The following VPS13C variants were observed in gnomAD, a reference collection of about 807,000 sequenced individuals.
The protein encoded by VPS13C is intermembrane lipid transfer protein VPS13C.
A neutral mutation model predicts 456.8 loss-of-function variants in VPS13C; 358 were observed. That is an observed-to-expected ratio of 0.78 (90% CI 0.72 to 0.86). The LOEUF (loss-of-function observed/expected upper bound fraction) is 0.86, where lower values mean the gene tolerates loss of function less well. VPS13C is among the 40% of genes least tolerant of loss of function. The pLI, the probability that VPS13C is intolerant of heterozygous loss-of-function variation, is 0.00. For missense variants in VPS13C, 4,818 were observed against 4,385.4 expected (o/e 1.10, Z -2.79); for synonymous variants, 1,578 against 1,486.7 (o/e 1.06, Z -1.41).
chr15:62,037,159 AATCT>A (rs1488133383), intron 3 of VPS13C, among the ~76,000 whole-genome samples: 1 of 130,330 alleles, frequency 7.7e-6, no homozygotes, highest in Non-Finnish European at 1.6e-5. Context: ...CCATAATGTA[AATCT>A]ATTATATTGC....
intron 2 of VPS13C, among the ~76,000 whole-genome samples, chr15:62,042,626 G>A (rs1331876749): frequency 2.0e-5 from 3 of 151,884 alleles, no homozygotes; most frequent in African/African-American, 7.3e-5. Context: ...TATACAAACT[G>A]CAAACTACAA....
At chr15:61,915,196 G>A (rs1409653257) in intron 61 of VPS13C, among the ~76,000 whole-genome samples, 1 of 152,166 alleles carries the variant, frequency 6.6e-6, no homozygotes, top group East Asian at 1.9e-4. Context: ...GCCTGAAGAG[G>A]AAAGAAGAGA....
At chr15:62,051,724 G>C (rs997800110) in intron 1 of VPS13C, among the ~76,000 whole-genome samples, 2 of 152,132 alleles carry the variant, frequency 1.3e-5, no homozygotes, top group Non-Finnish European at 2.9e-5. Context: ...ACTAAAATTA[G>C]TATAACAAGG....
chr15:61,898,157 T>C (rs1196275736), intron 66 of VPS13C, among the ~76,000 whole-genome samples: 2 of 151,196 alleles, frequency 1.3e-5, no homozygotes, highest in African/African-American at 4.9e-5. Context: ...CATGCCAAAA[T>C]GTAAAGACCA....
At chr15:61,955,566 CCTAA>C (rs879433839) in intron 37 of VPS13C, among the ~76,000 whole-genome samples, 2 of 152,154 alleles carry the variant, frequency 1.3e-5, no homozygotes, top group Non-Finnish European at 2.9e-5. Context: ...CGCAAGGTTT[CCTAA>C]CTATCACCTT....
rs755116347 is a variant in VPS13C at position 61,927,193 on chromosome 15, CAG to C, written c.6412_6413del (p.Leu2138ValfsTer60). On this transcript the variant is annotated frameshift_variant, in exon 52 of 85. Coordinates refer to ENST00000644861, the MANE Select transcript of VPS13C (RefSeq NM_020821.3). LOFTEE classifies it high-confidence loss of function. ...TCATCTGTTCGAGTTTGGATGTTGA[CAG>C]AGAAAGGTTGCACTGAAACGAGGCT... ...LTASFQCNLS[L>X]STSKLEQMME... 1 of 1,614,104 alleles carries C rather than the reference CAG, an allele frequency of 6.2e-7. No homozygotes were observed. The highest frequency in any genetic ancestry group is 8.5e-7 in the Non-Finnish European group (1 of 1,180,012).
chr15:61,974,042 A>G (rs2045632120), intron 25 of VPS13C, among the ~76,000 whole-genome samples: 1 of 152,124 alleles, frequency 6.6e-6, no homozygotes, highest in Non-Finnish European at 1.5e-5. Flanking sequence ...GTGATCTAGA[A>G]CTTATAAGCC....
At chr15:61,881,023 G>C (rs968434928) in intron 71 of VPS13C, 69 bp from the exon 72 acceptor site, 1 of 1,292,478 alleles carries the variant, frequency 7.7e-7, no homozygotes, top group African/African-American at 1.5e-5. Context: ...TTAAAACTTT[G>C]ATTTCAGTGA....
intron 50 of VPS13C, among the ~76,000 whole-genome samples, chr15:61,930,431 A>T (rs1005981703): frequency 6.6e-6 from 1 of 152,208 alleles, no homozygotes; most frequent in African/African-American, 2.4e-5. Context: ...AGAAAAACAA[A>T]GGGCTCACAA....
At chr15:61,943,325 A>G (rs1206674944) in intron 45 of VPS13C, among the ~76,000 whole-genome samples, 2 of 152,192 alleles carry the variant, frequency 1.3e-5, no homozygotes, top group African/African-American at 4.8e-5. Context: ...ATCCCAAGCA[A>G]AAAGAACAAA....
Position 61,929,588 on chromosome 15 carries a change from C to G in VPS13C, c.6199G>C (p.Ala2067Pro). The change falls in exon 51 of 85, where the codon GCT (alanine) becomes CCT (proline). Residue 2067 changes from alanine (A) to proline (P), a missense_variant. Coordinates refer to ENST00000644861, the MANE Select transcript of VPS13C (RefSeq NM_020821.3). Reference protein sequence around the residue: ...LMTVADFFIKAVPQSPENVAK... With the variant: ...LMTVADFFIKPVPQSPENVAK... ...ACATTTTCTGGACTCTGAGGCACAG[C>G]TTTGATAAAGAAATCTGCCACAGTC... 6.2e-7 allele frequency: 1 copy of G among 1,614,062 alleles called. No individual in the cohort carries two copies. Among genetic ancestry groups the G allele is most frequent in the Non-Finnish European group, 8.5e-7 (1 of 1,179,982 alleles).
At chr15:61,870,280 C>T (rs1383524885) in intron 79 of VPS13C, among the ~76,000 whole-genome samples, 1 of 152,102 alleles carries the variant, frequency 6.6e-6, no homozygotes, top group Non-Finnish European at 1.5e-5. Context: ...TCCATTCCTC[C>T]CTGCCCCTCC....
chr15:61,925,406 T>C, intron 53 of VPS13C, 50 bp downstream of exon 53: 1 of 1,148,888 alleles, frequency 8.7e-7, no homozygotes, highest in South Asian at 1.8e-5. Context: ...ATATGCAATG[T>C]CGTGAAGAAA....
At chr15:62,012,221 GACACACAC>G (rs67220908) in intron 11 of VPS13C, 57 bp from the exon 12 acceptor site, 5,150 of 506,930 alleles carry the variant, frequency 0.01, no homozygotes, top group East Asian at 0.022. Context: ...TTCAGACTCA[GACACACAC>G]ACACACACAC....
chr15:61,914,099 A>C (rs76697104), intron 61 of VPS13C, among the ~76,000 whole-genome samples: 8 of 152,166 alleles, frequency 5.3e-5, no homozygotes, highest in African/African-American at 1.9e-4. Context: ...TTTGTAAAAA[A>C]CTTGAGGACA....
At position 61,999,519 on chromosome 15, in the gene VPS13C, G is replaced by C. The variant is rs142387356; in HGVS notation, c.1353+1045C>G. Among the ~76,000 whole-genome samples the C allele has an allele frequency of 5.9e-5, 9 of 152,278 alleles. No homozygotes were observed. The East Asian group carries it at 1.7e-3, about 29-fold the overall frequency. ...TAATCTCATTTAAAAGTATGAGTAA[G>C]TACATGGACATCTGTAACTATAAAA... On this transcript the variant is annotated intron_variant, in intron 16 of 84. Coordinates refer to ENST00000644861, the MANE Select transcript of VPS13C (RefSeq NM_020821.3).
Position 61,927,184 on chromosome 15 carries a change from G to C in VPS13C, c.6423C>G (p.Ser2141=), listed in dbSNP as rs1227205056. The C allele has an allele frequency of 1.2e-5, 19 of 1,614,038 alleles. No homozygotes were observed. The highest frequency in any genetic ancestry group is 1.5e-5 in the Non-Finnish European group (18 of 1,180,038). The change falls in exon 52 of 85, where the codon TCC becomes TCG. Residue 2141 remains serine (S), a synonymous_variant. Transcript: ENST00000644861. The part of the protein sequence containing the change: ...SFQCNLSLST[S]KLEQMMEASV... The stretch of plus-strand genomic sequence containing the variant: ...AAGCTTCCATCATCTGTTCGAGTTT[G>C]GATGTTGACAGAGAAAGGTTGCACT...
chr15:62,000,751 A>G (rs1278639283), intron 15 of VPS13C, 125 bp from the exon 16 acceptor site: 44 of 656,730 alleles, frequency 6.7e-5, no homozygotes, highest in Non-Finnish European at 1.0e-4. Flanking sequence ...AAGTATTAGT[A>G]TAAATTTGAA....
At chr15:61,956,018 A>G (rs923034376) in intron 37 of VPS13C, among the ~76,000 whole-genome samples, 1 of 152,160 alleles carries the variant, frequency 6.6e-6, no homozygotes, top group Non-Finnish European at 1.5e-5. Flanking sequence ...AAACGACCAC[A>G]TGCCCTCACC....
Sources: allele counts gnomAD v4.1 joint callset (sites outside exome capture counted in the v4.1 genomes callset), GRCh38; gene constraint gnomAD v4.1.1; transcripts MANE v1.5; gene names NCBI Gene and HGNC (gene_info 2026-07-23, HGNC 2026-07-21).